Variants in GLYR1 observed in about 807,000 individuals in gnomAD.
GLYR1 encodes glyoxylate reductase 1 homolog.
Under a neutral mutation model 72.7 loss-of-function variants are expected in GLYR1, and 21 were observed. The ratio of observed to expected loss-of-function variants is 0.29; its 90% CI spans 0.20 to 0.42. The LOEUF (loss-of-function observed/expected upper bound fraction) is 0.42. GLYR1 is among the 10% of genes least tolerant of loss of function. GLYR1 has a pLI of 1.00. For missense variants in GLYR1, 594 were observed against 712.1 expected, an observed-to-expected ratio of 0.83 and a Z score of 1.89; for synonymous variants, 392 against 270.2, an observed-to-expected ratio of 1.45 and a Z score of -4.42.
chr16:4,804,094 CG>C lies in GLYR1; in HGVS notation c.*1141del, dbSNP rs910190642. On this transcript the variant is annotated 3_prime_UTR_variant, in exon 16 of 16. Transcript: ENST00000321919. Reference sequence around the variant, plus strand: ...TGATGCTGGCTGGAGTGAAGACACTCGTTTCCGTATCAAGAGCTGAGCCTAA... The same window carrying C: ...TGATGCTGGCTGGAGTGAAGACACTCTTTCCGTATCAAGAGCTGAGCCTAA... 1.3e-5 allele frequency: 2 copies of C among 152,212 alleles called. No homozygotes were observed. Among genetic ancestry groups the C allele is most frequent in the African/African-American group, 4.8e-5 (2 of 41,410 alleles). 9.4% of individuals were successfully genotyped at this position (152,212 alleles called of 1,614,324 possible).
At position 4,845,116 on chromosome 16, in the gene GLYR1, C is replaced by T; in HGVS notation, c.113G>A (p.Gly38Glu). Reference protein sequence around the residue: ...NPPKDLKKPRGKKCFFVKFFG... With the variant: ...NPPKDLKKPREKKCFFVKFFG... ...AAATTTCACAAAGAAGCATTTCTTT[C>T]CGCGAGGTTTCTTCAAGTCCTTTGG... Residue 38 changes from glycine (G) to glutamate (E), a missense_variant, in exon 3 of 16, where the codon GGA (glycine) becomes GAA (glutamate). Physicochemically the swap from Gly to Glu is moderately conservative, Grantham distance 98. Coordinates refer to ENST00000321919, the MANE Select transcript of GLYR1 (RefSeq NM_032569.4). 1.2e-6 allele frequency: 2 copies of T among 1,614,126 alleles called. No homozygotes were observed. The highest frequency in any genetic ancestry group is 1.7e-6 in the Non-Finnish European group (2 of 1,179,978).
chr16:4,844,167 T>A (rs549157312), intron 3 of GLYR1, among the ~76,000 whole-genome samples: 1 of 151,474 alleles, frequency 6.6e-6, no homozygotes, highest in South Asian at 2.1e-4. Flanking sequence ...GGTAAGCCAC[T>A]TGACATAGTG....
intron 15 of GLYR1, among the ~76,000 whole-genome samples, chr16:4,808,739 T>C (rs1240182196): frequency 2.0e-5 from 3 of 152,196 alleles, no homozygotes; most frequent in African/African-American, 7.2e-5. Flanking sequence ...CAGTTGTTTT[T>C]TTTTTAGATT....
At chr16:4,829,167 C>A (rs2084624527) in intron 5 of GLYR1, among the ~76,000 whole-genome samples, 1 of 152,034 alleles carries the variant, frequency 6.6e-6, no homozygotes, top group African/African-American at 2.4e-5. Context: ...AGCCTGAGGT[C>A]ATCTAACAGT....
At chr16:4,821,107 G>A (rs576007774) in intron 9 of GLYR1, 141 of 533,966 alleles carry the variant, frequency 2.6e-4, no homozygotes, top group Non-Finnish European at 3.7e-4. Flanking sequence ...TCAGGCACAG[G>A]AAAGTCTGAG....
chr16:4,804,933 C>CTGTGTGTGTG lies in GLYR1; in HGVS notation c.*293_*302dup, dbSNP rs143624351. On this transcript the variant is annotated 3_prime_UTR_variant, in exon 16 of 16. Coordinates refer to ENST00000321919, the MANE Select transcript of GLYR1 (RefSeq NM_032569.4). ...GCAGCTTCTATCCTGGGGCGAGAGC[C>CTGTGTGTGTG]TGTGTGTGTGTGTGTGTGTGTGTGT... 1,064 of 297,442 alleles carry CTGTGTGTGTG rather than the reference C, an allele frequency of 3.6e-3. 11 individuals carry two copies. Among genetic ancestry groups the CTGTGTGTGTG allele is most frequent in the Admixed American group, 5.7e-3 (133 of 23,214 alleles). The allele number at this position is 297,442 out of a possible 1,614,324, so 18.4% of individuals were successfully genotyped here.
Position 4,821,542 on chromosome 16 carries a change from C to T in GLYR1, c.732+5G>A. On this transcript the variant is annotated splice_donor_5th_base_variant and intron_variant, in intron 8 of 15. Coordinates refer to ENST00000321919, the MANE Select transcript of GLYR1 (RefSeq NM_032569.4). ...TTAAAATGGGGAGGCATGGAGCCTA[C>T]ATACCTCTTCACATATTTTCAACTT... The T allele has an allele frequency of 6.2e-7, 1 of 1,614,064 alleles. No individual in the cohort carries two copies. The highest frequency in any genetic ancestry group is 1.1e-5 in the South Asian group (1 of 91,076).
intron 3 of GLYR1, among the ~76,000 whole-genome samples, chr16:4,841,877 T>A (rs1235305724): frequency 6.6e-6 from 1 of 152,174 alleles, no homozygotes; most frequent in Non-Finnish European, 1.5e-5. Context: ...GTTCATGGTA[T>A]CCCCACTGTC....
chr16:4,824,044 C>G (rs181281937), intron 5 of GLYR1, 137 bp from the exon 6 acceptor site: 1 of 605,142 alleles, frequency 1.7e-6, no homozygotes, highest in East Asian at 2.9e-5. Flanking sequence ...GAGAAACAAG[C>G]CAGTTCTTCC....
At chr16:4,814,439 G>T in intron 11 of GLYR1, 98 bp downstream of exon 11, 1 of 884,528 alleles carries the variant, frequency 1.1e-6, no homozygotes, top group Non-Finnish European at 1.9e-6. Context: ...CCCCCCACAT[G>T]TGGACACTCA....
At chr16:4,807,596 A>AATT (rs751206265) in intron 15 of GLYR1, among the ~76,000 whole-genome samples, 2 of 152,198 alleles carry the variant, frequency 1.3e-5, no homozygotes, top group Non-Finnish European at 2.9e-5. Flanking sequence ...TATAGAGTCT[A>AATT]AGCTCATACC....
At chr16:4,837,863 G>A (rs773546377) in intron 3 of GLYR1, among the ~76,000 whole-genome samples, 6 of 151,848 alleles carry the variant, frequency 4.0e-5, no homozygotes, top group East Asian at 3.9e-4. Flanking sequence ...CCCAGGAGGC[G>A]GAGGTTGCAG....
intron 10 of GLYR1, among the ~76,000 whole-genome samples, chr16:4,815,972 G>A (rs981775066): frequency 3.3e-5 from 5 of 151,866 alleles, no homozygotes; most frequent in East Asian, 1.9e-4. Context: ...TAGTAGAGAC[G>A]GGGTTTCACC....
chr16:4,818,388 G>A (rs928596209), intron 9 of GLYR1, among the ~76,000 whole-genome samples: 1 of 152,134 alleles, frequency 6.6e-6, no homozygotes, highest in African/African-American at 2.4e-5. Flanking sequence ...TCGACCTCCT[G>A]GGCTCAAGTA....
At chr16:4,832,653 G>A in intron 4 of GLYR1, 121 bp downstream of exon 4, 1 of 1,167,776 alleles carries the variant, frequency 8.6e-7, no homozygotes, top group Non-Finnish European at 1.2e-6. Context: ...AACTGAAGTA[G>A]CTTTCTCCAG....
intron 9 of GLYR1, among the ~76,000 whole-genome samples, chr16:4,819,469 T>A (rs546032504): frequency 7.9e-5 from 12 of 152,242 alleles, no homozygotes; most frequent in African/African-American, 2.9e-4. Context: ...CCACCATGTC[T>A]GGCTAAGTTT....
intron 13 of GLYR1, 81 bp from the exon 14 acceptor site, chr16:4,811,883 A>C (rs1596311625): frequency 2.0e-6 from 3 of 1,500,248 alleles, no homozygotes; most frequent in Admixed American, 4.2e-5. Context: ...CTCTGCTCAG[A>C]CCCACCTCTC....
At chr16:4,809,197 T>C (rs1209057836) in intron 15 of GLYR1, among the ~76,000 whole-genome samples, 3 of 142,838 alleles carry the variant, frequency 2.1e-5, no homozygotes, top group African/African-American at 5.1e-5. Flanking sequence ...CGTTTTTTTT[T>C]TTTTTTTTTT....
chr16:4,833,757 T>C (rs2084945007), intron 3 of GLYR1, among the ~76,000 whole-genome samples: 1 of 152,170 alleles, frequency 6.6e-6, no homozygotes, highest in Admixed American at 6.5e-5. Context: ...AAAGTGAAAG[T>C]AGTCAGCTGT....
Sources: allele counts gnomAD v4.1 joint callset (sites outside exome capture counted in the v4.1 genomes callset), GRCh38; gene constraint gnomAD v4.1.1; transcripts MANE v1.5; gene names NCBI Gene and HGNC (gene_info 2026-07-23, HGNC 2026-07-21).